CPQ: variants seen among roughly 807,000 people sequenced by gnomAD.
CPQ encodes the protein Ser-Met dipeptidase.
Under a neutral mutation model 45.7 loss-of-function variants are expected in CPQ, and 37 were observed. That is an observed-to-expected ratio of 0.81 (90% CI 0.62 to 1.07). CPQ has a LOEUF of 1.07. CPQ is among the 50% of genes least tolerant of loss of function. CPQ has a pLI of 0.00. For missense variants in CPQ, 537 were observed against 572.9 expected, an observed-to-expected ratio of 0.94 and a Z score of 0.64; for synonymous variants, 186 against 205.8, an observed-to-expected ratio of 0.90 and a Z score of 0.82.
intron 4 of CPQ, among the ~76,000 whole-genome samples, chr8:96,932,386 G>T (rs1292951081): frequency 1.3e-5 from 2 of 152,094 alleles, no homozygotes; most frequent in Non-Finnish European, 2.9e-5. Flanking sequence ...TAAACAAGCA[G>T]CATCATAAAG....
At chr8:96,976,037 G>A (rs906272092) in intron 5 of CPQ, among the ~76,000 whole-genome samples, 3 of 151,896 alleles carry the variant, frequency 2.0e-5, no homozygotes, top group Admixed American at 6.6e-5. Flanking sequence ...TCAGTAAAGA[G>A]GAAGTCAAAC....
rs1586399589 is a variant in CPQ at position 96,784,963 on chromosome 8, T to G, written c.66T>G (p.Ala22=). ...VHLLSLCSGK[A]ICKNGISKRT... Reference sequence around the variant, plus strand: ...TTTTATCCCTGTGCTCTGGGAAAGCTATATGCAAGAATGGCATCTCTAAGA... The same window carrying G: ...TTTTATCCCTGTGCTCTGGGAAAGCGATATGCAAGAATGGCATCTCTAAGA... Residue 22 remains alanine (A), a synonymous_variant, in exon 2 of 8, where the codon GCT becomes GCG. Transcript: ENST00000220763. The G allele has an allele frequency of 6.2e-7, 1 of 1,613,834 alleles. No individual in the cohort carries two copies. Among genetic ancestry groups the G allele is most frequent in the East Asian group, 2.2e-5 (1 of 44,868 alleles).
chr8:97,081,420 T>C (rs546866240), intron 7 of CPQ, among the ~76,000 whole-genome samples: 6 of 152,272 alleles, frequency 3.9e-5, no homozygotes, highest in African/African-American at 1.4e-4. Flanking sequence ...CCAATATATG[T>C]GTTAAGGTTA....
intron 4 of CPQ, among the ~76,000 whole-genome samples, chr8:96,889,828 C>T (rs1019048061): frequency 1.3e-5 from 2 of 152,186 alleles, no homozygotes; most frequent in African/African-American, 4.8e-5. Context: ...CTGCTTTATC[C>T]TAGCCTCACT....
chr8:96,661,314 G>A (rs1421940284), intron 1 of CPQ, among the ~76,000 whole-genome samples: 1 of 151,918 alleles, frequency 6.6e-6, no homozygotes, highest in Non-Finnish European at 1.5e-5. Context: ...TACATTCGTT[G>A]CAATTGATGA....
intron 7 of CPQ, among the ~76,000 whole-genome samples, chr8:97,112,027 C>T (rs1351094487): frequency 3.9e-5 from 6 of 152,160 alleles, no homozygotes. Context: ...AGGAATACCA[C>T]CCTCCCATGC....
chr8:96,707,149 G>C (rs1809540741), intron 1 of CPQ, among the ~76,000 whole-genome samples: 1 of 152,074 alleles, frequency 6.6e-6, no homozygotes, highest in South Asian at 2.1e-4. Context: ...AGACCCTAAA[G>C]TATAACTGTG....
chr8:96,824,576 A>G (rs2130840228), intron 2 of CPQ, among the ~76,000 whole-genome samples: 1 of 152,170 alleles, frequency 6.6e-6, no homozygotes, highest in South Asian at 2.1e-4. Flanking sequence ...CTCCATGACA[A>G]AATTGTATAG....
intron 2 of CPQ, among the ~76,000 whole-genome samples, chr8:96,786,175 C>A (rs1245268180): frequency 1.3e-5 from 2 of 152,162 alleles, no homozygotes; most frequent in East Asian, 3.9e-4. Context: ...AGCTGTCATT[C>A]TCCAGTCTAC....
intron 1 of CPQ, among the ~76,000 whole-genome samples, chr8:96,705,713 CTT>C (rs1033543607): frequency 3.9e-5 from 6 of 152,108 alleles, no homozygotes; most frequent in Non-Finnish European, 5.9e-5. Flanking sequence ...TTCCCTCTCT[CTT>C]GACTATCTGT....
chr8:96,723,903 C>T (rs1020169054), intron 1 of CPQ, among the ~76,000 whole-genome samples: 5 of 151,988 alleles, frequency 3.3e-5, no homozygotes, highest in African/African-American at 1.2e-4. Flanking sequence ...AACTAGATTC[C>T]GAAGGGCATT....
In CPQ at chr8:96,849,712, A is replaced by G. The variant is rs529248828; in HGVS notation, c.641+14532A>G. ...GTGAGACATCCCCAGATGTTAGCTG[A>G]TAACATCCTCACCCTCATCCTCCCC... On this transcript the variant is annotated intron_variant, in intron 3 of 7. Transcript: ENST00000220763. Among the ~76,000 whole-genome samples the G allele has an allele frequency of 3.3e-5, 5 of 152,278 alleles. No individual in the cohort carries two copies. In the East Asian group the frequency reaches 9.6e-4, roughly 29 times the overall value.
chr8:96,991,404 A>G (rs1047721264), intron 5 of CPQ, among the ~76,000 whole-genome samples: 2 of 151,852 alleles, frequency 1.3e-5, no homozygotes, highest in Admixed American at 6.6e-5. Flanking sequence ...AAACATACAC[A>G]AATTAGCTGG....
intron 5 of CPQ, among the ~76,000 whole-genome samples, chr8:97,003,697 A>C (rs1417193047): frequency 6.6e-6 from 1 of 152,156 alleles, no homozygotes; most frequent in Non-Finnish European, 1.5e-5. Flanking sequence ...GCATAGATGC[A>C]TATTGGCATC....
chr8:96,746,309 G>A (rs943515933), intron 1 of CPQ, among the ~76,000 whole-genome samples: 6 of 152,106 alleles, frequency 3.9e-5, no homozygotes, highest in Non-Finnish European at 7.3e-5. Context: ...TAAATTCATA[G>A]CACTTAAAAT....
intron 2 of CPQ, among the ~76,000 whole-genome samples, chr8:96,796,188 C>A (rs936364509): frequency 5.3e-5 from 8 of 152,036 alleles, no homozygotes; most frequent in Non-Finnish European, 1.0e-4. Context: ...CTAATCTTTG[C>A]CAATTTGATG....
intron 3 of CPQ, among the ~76,000 whole-genome samples, chr8:96,843,234 A>G (rs1216935864): frequency 6.6e-6 from 1 of 152,144 alleles, no homozygotes; most frequent in African/African-American, 2.4e-5. Flanking sequence ...CAGTAATGTT[A>G]TTAATGCCTG....
intron 2 of CPQ, among the ~76,000 whole-genome samples, chr8:96,821,871 A>C (rs555115695): frequency 1.4e-4 from 21 of 152,156 alleles, no homozygotes; most frequent in Non-Finnish European, 2.8e-4. Flanking sequence ...TAATGGCCAA[A>C]TCAGGCATAT....
At chr8:96,813,493 A>C (rs1811185051) in intron 2 of CPQ, among the ~76,000 whole-genome samples, 1 of 152,198 alleles carries the variant, frequency 6.6e-6, no homozygotes, top group African/African-American at 2.4e-5. Flanking sequence ...TATAGATCAG[A>C]ACATATTCTG....
Sources: allele counts gnomAD v4.1 joint callset (sites outside exome capture counted in the v4.1 genomes callset), GRCh38; gene constraint gnomAD v4.1.1; transcripts MANE v1.5; gene names NCBI Gene and HGNC (gene_info 2026-07-23, HGNC 2026-07-21).